UGT1A6: variants seen among roughly 807,000 people sequenced by gnomAD.
UGT1A6 encodes UDP-glucuronosyltransferase 1A6.
In UGT1A6, 32 loss-of-function variants were observed where a neutral mutation model predicts 44.4. The observed-to-expected ratio is 0.72, with a 90% confidence interval of 0.54 to 0.97. UGT1A6 has a LOEUF of 0.97. UGT1A6 is among the 50% of genes least tolerant of loss of function. The pLI is 0.00. For missense variants in UGT1A6, 685 were observed against 661.9 expected, an observed-to-expected ratio of 1.03 and a Z score of -0.38; for synonymous variants, 238 against 248.5, an observed-to-expected ratio of 0.96 and a Z score of 0.40.
intron 1 of UGT1A6, among the ~76,000 whole-genome samples, chr2:233,711,887 T>C (rs28898595): frequency 0.1 from 15,538 of 152,074 alleles, 910 homozygotes; most frequent in East Asian, 0.2. Flanking sequence ...GCAGGACGAG[T>C]CTCATGGGCG....
At chr2:233,724,348 C>A (rs1263010840) in intron 1 of UGT1A6, among the ~76,000 whole-genome samples, 27 of 144,638 alleles carry the variant, frequency 1.9e-4, no homozygotes, top group Non-Finnish European at 2.3e-4. Context: ...TGACCCCCCC[C>A]ACCTCCCTCC....
At chr2:233,760,834 G>A in intron 1 of UGT1A6, 1 of 1,613,564 alleles carries the variant, frequency 6.2e-7, no homozygotes, top group Non-Finnish European at 8.5e-7. Flanking sequence ...GGAATTTGAG[G>A]CTACCCAGTG....
In UGT1A6 at chr2:233,719,168, T is replaced by G. The variant is rs1202848834; in HGVS notation, c.861+25303T>G. ...AGAGATATTCTAGAAGTATGGCAAT[T>G]ATGAACAATGTATCTTTGGCCCTTC... On this transcript the variant is annotated intron_variant, in intron 1 of 4. Transcript: ENST00000305139. 2 of 1,614,224 alleles carry G rather than the reference T, an allele frequency of 1.2e-6. No individual in the cohort carries two copies. Among genetic ancestry groups the G allele is most frequent in the Admixed American group, 1.7e-5 (1 of 60,034 alleles).
chr2:233,693,104 C>G lies in UGT1A6; in HGVS notation c.100C>G (p.Gln34Glu). The change falls in exon 1 of 5, where the codon CAG becomes GAG. Residue 34 changes from glutamine to glutamate, a missense_variant. Physicochemically the swap from Gln to Glu is conservative, Grantham distance 29. Transcript: ENST00000305139. ...VVGDKLLVVP[Q>E]DGSHWLSMKD... ...AGGTGACAAGCTGCTGGTGGTCCCT[C>G]AGGACGGAAGCCACTGGCTTAGTAT... 6.2e-7 allele frequency: 1 copy of G among 1,614,166 alleles called. No homozygotes were observed. The highest frequency in any genetic ancestry group is 1.3e-5 in the African/African-American group (1 of 75,040).
chr2:233,717,190 G>A (rs932422253), intron 1 of UGT1A6, among the ~76,000 whole-genome samples: 1 of 152,160 alleles, frequency 6.6e-6, no homozygotes, highest in African/African-American at 2.4e-5. Flanking sequence ...ACCCTCCCAG[G>A]CATGTTCCAC....
intron 1 of UGT1A6, among the ~76,000 whole-genome samples, chr2:233,702,899 G>T (rs1390474753): frequency 6.6e-6 from 1 of 152,144 alleles, no homozygotes; most frequent in East Asian, 1.9e-4. Flanking sequence ...ATCCATAAGA[G>T]ATATTGGAAG....
At chr2:233,733,214 A>T (rs920142608) in intron 1 of UGT1A6, among the ~76,000 whole-genome samples, 1 of 152,180 alleles carries the variant, frequency 6.6e-6, no homozygotes, top group African/African-American at 2.4e-5. Flanking sequence ...TTGGGCTGAG[A>T]CAATGGGGTT....
At chr2:233,736,510 T>C (rs77531777) in intron 1 of UGT1A6, among the ~76,000 whole-genome samples, 9,193 of 152,294 alleles carry the variant, frequency 0.06, 873 homozygotes, top group African/African-American at 0.21. Flanking sequence ...AGCCTACTTC[T>C]GTCAACTCGT....
chr2:233,735,879 G>A (rs1213973999), intron 1 of UGT1A6, among the ~76,000 whole-genome samples: 1 of 152,086 alleles, frequency 6.6e-6, no homozygotes, highest in Non-Finnish European at 1.5e-5. Flanking sequence ...AGAGAGATCT[G>A]CTGTTAGTCT....
chr2:233,739,804 C>T (rs901133058), intron 1 of UGT1A6, among the ~76,000 whole-genome samples: 1 of 152,002 alleles, frequency 6.6e-6, no homozygotes, highest in Non-Finnish European at 1.5e-5. Flanking sequence ...GTTGGGAAGG[C>T]ATGATTGGTT....
intron 1 of UGT1A6, among the ~76,000 whole-genome samples, chr2:233,694,919 C>T (rs993608682): frequency 2.0e-5 from 3 of 152,252 alleles, no homozygotes; most frequent in South Asian, 2.1e-4. Flanking sequence ...ATACAATGTG[C>T]GATGATCAAA....
intron 1 of UGT1A6, among the ~76,000 whole-genome samples, chr2:233,725,570 A>G (rs1169063809): frequency 1.3e-5 from 2 of 152,178 alleles, no homozygotes; most frequent in Admixed American, 1.3e-4. Flanking sequence ...TATATTCGAT[A>G]TAAGATTATG....
intron 1 of UGT1A6, chr2:233,729,669 C>T: frequency 6.2e-7 from 1 of 1,613,910 alleles, no homozygotes; most frequent in Non-Finnish European, 8.5e-7. Context: ...GTGATTTAGA[C>T]TTTAAGGGCA....
chr2:233,772,522 G>A lies in UGT1A6; in HGVS notation c.1562G>A (p.Gly521Glu). The A allele has an allele frequency of 6.2e-7, 1 of 1,614,168 alleles. No homozygotes were observed. Among genetic ancestry groups the A allele is most frequent in the Non-Finnish European group, 8.5e-7 (1 of 1,180,032 alleles). ...YGYRKCLGKK[G>E]RVKKAHKSKT... ...TACCGGAAATGCTTGGGGAAAAAAG[G>A]GCGAGTTAAGAAAGCCCACAAATCC... The change falls in exon 5 of 5, where the codon GGG becomes GAG. Residue 521 changes from glycine to glutamate, a missense_variant. Gly to Glu is a moderately conservative substitution (Grantham distance 98). Coordinates refer to ENST00000305139, the MANE Select transcript of UGT1A6 (RefSeq NM_001072.4).
intron 1 of UGT1A6, 33 bp downstream of exon 1, chr2:233,693,898 T>C: frequency 6.2e-7 from 1 of 1,613,782 alleles, no homozygotes; most frequent in Non-Finnish European, 8.5e-7. Flanking sequence ...GACTGCCTTG[T>C]TTCTTCCAGG....
chr2:233,697,612 GT>G (rs1286954926), intron 1 of UGT1A6, among the ~76,000 whole-genome samples: 1 of 149,670 alleles, frequency 6.7e-6, no homozygotes, highest in Non-Finnish European at 1.5e-5. Flanking sequence ...CTTCTACAAA[GT>G]TTGAGTTTGG....
intron 1 of UGT1A6, among the ~76,000 whole-genome samples, chr2:233,701,124 G>A (rs2075611315): frequency 6.6e-6 from 1 of 152,078 alleles, no homozygotes; most frequent in African/African-American, 2.4e-5. Flanking sequence ...TATCATTGAG[G>A]GACATTTAGG....
chr2:233,716,908 C>G (rs1308471683), intron 1 of UGT1A6, among the ~76,000 whole-genome samples: 2 of 152,142 alleles, frequency 1.3e-5, no homozygotes, highest in Non-Finnish European at 2.9e-5. Context: ...TCTCCAGACC[C>G]TGGAAGCTGA....
intron 1 of UGT1A6, among the ~76,000 whole-genome samples, chr2:233,737,011 AG>A (rs2078834177): frequency 1.3e-5 from 2 of 152,192 alleles, no homozygotes; most frequent in Non-Finnish European, 2.9e-5. Context: ...CCGCTTGAGG[AG>A]GCAGTCTGTC....
Sources: allele counts gnomAD v4.1 joint callset (sites outside exome capture counted in the v4.1 genomes callset), GRCh38; gene constraint gnomAD v4.1.1; transcripts MANE v1.5; gene names NCBI Gene and HGNC (gene_info 2026-07-23, HGNC 2026-07-21).